ANKS1A: variants seen among roughly 807,000 people sequenced by gnomAD.
ANKS1A encodes the protein ankyrin repeat and SAM domain-containing protein 1A.
ANKS1A carries 55 observed loss-of-function variants against 120.3 expected under a neutral mutation model. The ratio of observed to expected loss-of-function variants is 0.46; its 90% CI spans 0.37 to 0.57. ANKS1A has a LOEUF of 0.57. Among genes scored for constraint, ANKS1A ranks in the 20% least tolerant of loss-of-function variants. The pLI, the probability that ANKS1A is intolerant of heterozygous loss-of-function variation, is 0.00. For synonymous variants in ANKS1A, 590 were observed against 604.7 expected (o/e 0.98, Z 0.36); for missense variants, 1,123 against 1,480.3 (o/e 0.76, Z 3.96).
Position 35,081,160 on chromosome 6 carries a change from TG to T in ANKS1A, c.2709+6del. 6.2e-7 allele frequency: 1 copy of T among 1,606,894 alleles called. No individual in the cohort carries two copies. On this transcript the variant is annotated splice_donor_region_variant and intron_variant, in intron 17 of 23. Coordinates refer to ENST00000360359, the MANE Select transcript of ANKS1A (RefSeq NM_015245.3). ...CGAGCGGAGCGCTTCAGGATCCAGG[TG>T]GGGCAGGGGGAGTGGAGGTGCAGCC... is the stretch of plus-strand genomic sequence containing the variant.
intron 1 of ANKS1A, among the ~76,000 whole-genome samples, chr6:34,901,325 C>T (rs1767340505): frequency 6.6e-6 from 1 of 151,862 alleles, no homozygotes; most frequent in African/African-American, 2.4e-5. Flanking sequence ...ACAGTATTAT[C>T]TGGCTGGTTC....
chr6:34,977,336 T>A (rs1457048939), intron 3 of ANKS1A, among the ~76,000 whole-genome samples: 2 of 152,180 alleles, frequency 1.3e-5, no homozygotes, highest in African/African-American at 4.8e-5. Context: ...TTGATGATTA[T>A]GATTGATTGC....
chr6:35,018,576 T>C (rs1774167213), intron 11 of ANKS1A, among the ~76,000 whole-genome samples: 1 of 152,084 alleles, frequency 6.6e-6, no homozygotes, highest in Non-Finnish European at 1.5e-5. Context: ...GGGGTACATG[T>C]GCAGGTTTGT....
chr6:34,951,159 A>G (rs968254981), intron 1 of ANKS1A, among the ~76,000 whole-genome samples: 1 of 152,204 alleles, frequency 6.6e-6, no homozygotes, highest in Non-Finnish European at 1.5e-5. Context: ...TCAGCACACT[A>G]GACACTGGTC....
chr6:34,894,115 G>A lies in ANKS1A; in HGVS notation c.197+4516G>A, dbSNP rs79060063. ...GATTGTTTAATGGATGCATGCCTTC[G>A]GTCTATACCTTGGGAGCTTGGGATA... On this transcript the variant is annotated intron_variant, in intron 1 of 23. Coordinates refer to ENST00000360359, the MANE Select transcript of ANKS1A (RefSeq NM_015245.3). Among the ~76,000 whole-genome samples, 1,128 of 152,066 alleles carry A rather than the reference G, an allele frequency of 7.4e-3. 16 individuals carry two copies. Among genetic ancestry groups the A allele is most frequent in the African/African-American group, 0.023 (967 of 41,468 alleles).
At chr6:35,083,367 G>A (rs758581208) in intron 19 of ANKS1A, 50 bp from the exon 20 acceptor site, 11 of 1,602,676 alleles carry the variant, frequency 6.9e-6, no homozygotes, top group East Asian at 2.2e-5. Flanking sequence ...AGCCCAGGAG[G>A]CTTAGCCCTG....
chr6:34,976,669 C>A (rs988136836), intron 3 of ANKS1A, among the ~76,000 whole-genome samples: 1 of 151,634 alleles, frequency 6.6e-6, no homozygotes, highest in African/African-American at 2.4e-5. Context: ...AAAAAAAAAA[C>A]TTGTAACTTA....
intron 1 of ANKS1A, among the ~76,000 whole-genome samples, chr6:34,934,189 C>T (rs899680247): frequency 2.6e-5 from 4 of 151,648 alleles, no homozygotes; most frequent in African/African-American, 9.7e-5. Flanking sequence ...GCTTTGTCAC[C>T]CAGGCTGAAG....
intron 1 of ANKS1A, among the ~76,000 whole-genome samples, chr6:34,901,979 T>C (rs1426973331): frequency 2.0e-5 from 3 of 152,242 alleles, no homozygotes; most frequent in Middle Eastern, 3.2e-3. Flanking sequence ...CTAACAGTAA[T>C]AGAATAGGCC....
rs905904057 is a variant in ANKS1A, at chr6:34,954,735, C to T, written c.198-12504C>T. 4.6e-5 allele frequency among the ~76,000 whole-genome samples: 7 copies of T among 152,198 alleles called. No homozygotes were observed. The East Asian group carries it at 5.8e-4, about 13-fold the overall frequency. On this transcript the variant is annotated intron_variant, in intron 1 of 23. Coordinates refer to ENST00000360359, the MANE Select transcript of ANKS1A (RefSeq NM_015245.3). ...AAGGTCCTGCCCACCTGTCACGTAGCGTCAGCATCCTTTGTGCATCAGTCC... is the reference window on the plus strand; with the variant it reads ...AAGGTCCTGCCCACCTGTCACGTAGTGTCAGCATCCTTTGTGCATCAGTCC...
At chr6:34,942,521 C>T (rs1028279453) in intron 1 of ANKS1A, among the ~76,000 whole-genome samples, 2 of 152,210 alleles carry the variant, frequency 1.3e-5, no homozygotes, top group Non-Finnish European at 2.9e-5. Context: ...TTTCTTTGAG[C>T]TCTGTGAGAT....
chr6:35,060,363 C>A lies in ANKS1A; in HGVS notation c.2184+110C>A. 1.1e-6 allele frequency: 1 copy of A among 932,626 alleles called. No individual in the cohort carries two copies. The highest frequency in any genetic ancestry group is 1.6e-6 in the Non-Finnish European group (1 of 613,256). 57.8% of individuals were successfully genotyped at this position (932,626 alleles called of 1,614,324 possible). ...TCTGCAACAGTACGTAGACCCAAAT[C>A]CCAGGGAAAGCTCACTGAGGTCACT... is the stretch of plus-strand genomic sequence containing the variant. On this transcript the variant is annotated intron_variant, in intron 13 of 23. Transcript: ENST00000360359. The surrounding 1 kb of genome is among the most constrained non-coding windows in gnomAD (Gnocchi z 4.5).
intron 10 of ANKS1A, among the ~76,000 whole-genome samples, chr6:35,000,817 T>C (rs1222366345): frequency 6.6e-6 from 1 of 152,158 alleles, no homozygotes; most frequent in East Asian, 1.9e-4. Context: ...GATTTTTACC[T>C]ACATTAAAAG....
rs200028172 is a variant in ANKS1A, at chr6:34,985,206, G to T, written c.1137G>T (p.Gly379=). 2.6e-4 allele frequency: 414 copies of T among 1,614,098 alleles called. No individual in the cohort carries two copies. Among genetic ancestry groups the T allele is most frequent in the Middle Eastern group, 2.0e-3 (12 of 6,082 alleles). The change falls in exon 8 of 24, where the codon GGG becomes GGT. Residue 379 remains glycine (G), a synonymous_variant. Transcript: ENST00000360359. The part of the protein sequence containing the change: ...SCHSLDSMAS[G]RSSDQDSTNK... ...ATTCGTTGGACAGCATGGCCAGCGG[G>T]CGATCATCTGACCAAGACTCCACGA...
chr6:34,934,479 T>C (rs1468573653), intron 1 of ANKS1A, among the ~76,000 whole-genome samples: 3 of 152,174 alleles, frequency 2.0e-5, no homozygotes. Context: ...CTAGGTGAAA[T>C]TGGTTTTTTA....
chr6:34,897,010 C>T (rs73421511), intron 1 of ANKS1A, among the ~76,000 whole-genome samples: 67 of 152,166 alleles, frequency 4.4e-4, no homozygotes, highest in African/African-American at 1.6e-3. Flanking sequence ...ATGGCATGCA[C>T]CTGTGGCCCC....
At position 34,922,048 on chromosome 6, in the gene ANKS1A, C is replaced by T. The variant is rs114806324; in HGVS notation, c.197+32449C>T. On this transcript the variant is annotated intron_variant, in intron 1 of 23. Coordinates refer to ENST00000360359, the MANE Select transcript of ANKS1A (RefSeq NM_015245.3). ...TTTTTTTTTTTTGAGATAGGGTCTCCTTGTGTTGGGCTCGAACTCTTGGGC... is the reference window on the plus strand; with the variant it reads ...TTTTTTTTTTTTGAGATAGGGTCTCTTTGTGTTGGGCTCGAACTCTTGGGC... Among the ~76,000 whole-genome samples, 1,075 of 147,794 alleles carry T rather than the reference C, an allele frequency of 7.3e-3. 20 individuals are homozygous for T. Among genetic ancestry groups the T allele is most frequent in the African/African-American group, 0.025 (983 of 39,634 alleles).
Position 35,086,379 on chromosome 6 carries a change from C to T in ANKS1A, c.3303+443C>T, listed in dbSNP as rs1430529112. 2 of 1,293,664 alleles carry T rather than the reference C, an allele frequency of 1.5e-6. No homozygotes were observed. Among genetic ancestry groups the T allele is most frequent in the South Asian group, 2.5e-5 (2 of 80,978 alleles). The allele number at this position is 1,293,664 out of a possible 1,614,324, so 80.1% of individuals were successfully genotyped here. A position where few individuals can be genotyped will look rare whatever the true frequency, so the allele number is the denominator to read the frequency against. The stretch of plus-strand genomic sequence containing the variant: ...AGTCCTGGAGTCAAGGTCTTTACGC[C>T]TCCTGCTGTCTTGTGTGTCAGTCTC... On this transcript the variant is annotated intron_variant, in intron 22 of 23. Transcript: ENST00000360359. This position sits in a 1 kb window ranked among gnomAD's most constrained non-coding sequence, Gnocchi z 5.1.
intron 1 of ANKS1A, among the ~76,000 whole-genome samples, chr6:34,916,368 C>T (rs952395667): frequency 6.6e-6 from 1 of 150,944 alleles, no homozygotes; most frequent in East Asian, 1.9e-4. Flanking sequence ...GACCAAGTCT[C>T]AACCACAGTA....
Sources: allele counts gnomAD v4.1 joint callset (sites outside exome capture counted in the v4.1 genomes callset), GRCh38; gene constraint gnomAD v4.1.1; non-coding constraint Gnocchi (gnomAD v3.1); transcripts MANE v1.5; gene names NCBI Gene and HGNC (gene_info 2026-07-23, HGNC 2026-07-21).